The following KCNH8 variants were observed in gnomAD, a reference collection of about 807,000 sequenced individuals.
KCNH8 encodes the protein voltage-gated delayed rectifier potassium channel KCNH8.
Under a neutral mutation model 103.6 loss-of-function variants are expected in KCNH8, and 70 were observed. That is an observed-to-expected ratio of 0.68 (90% CI 0.56 to 0.82). The LOEUF is 0.82. Ranked by LOEUF, KCNH8 falls within the 40% of genes least tolerant of loss-of-function variation. The pLI is 0.00. For missense variants in KCNH8, 1,217 were observed against 1,329.9 expected (o/e 0.92, Z 1.32); for synonymous variants, 498 against 489.4 (o/e 1.02, Z -0.23).
chr3:19,160,101 A>C (rs556907514), intron 1 of KCNH8, among the ~76,000 whole-genome samples: 1 of 152,160 alleles, frequency 6.6e-6, no homozygotes, highest in South Asian at 2.1e-4. Flanking sequence ...TACATTTGTC[A>C]TGGGTGCCCA....
chr3:19,471,975 A>G (rs771093024), intron 11 of KCNH8, among the ~76,000 whole-genome samples: 15 of 152,216 alleles, frequency 9.9e-5, no homozygotes, highest in Non-Finnish European at 1.8e-4. Context: ...CTTTTGACTT[A>G]TGCACTTTTT....
At chr3:19,471,138 T>C (rs1012145283) in intron 11 of KCNH8, among the ~76,000 whole-genome samples, 2 of 152,220 alleles carry the variant, frequency 1.3e-5, no homozygotes, top group African/African-American at 4.8e-5. Context: ...CCACCTGCCA[T>C]ACCATGAACA....
At chr3:19,325,838 A>T (rs1018648401) in intron 3 of KCNH8, among the ~76,000 whole-genome samples, 4 of 152,226 alleles carry the variant, frequency 2.6e-5, no homozygotes, top group African/African-American at 9.6e-5. Context: ...TACTGAGTAC[A>T]TACCCAAAGA....
At chr3:19,173,353 C>T (rs954569844) in intron 1 of KCNH8, among the ~76,000 whole-genome samples, 3 of 151,786 alleles carry the variant, frequency 2.0e-5, no homozygotes, top group Non-Finnish European at 2.9e-5. Context: ...TGGACAGTGC[C>T]CGGATTTTTC....
intron 11 of KCNH8, among the ~76,000 whole-genome samples, chr3:19,480,523 A>T (rs571297300): frequency 6.6e-6 from 1 of 152,336 alleles, no homozygotes; most frequent in South Asian, 2.1e-4. Context: ...GAATTTAAGA[A>T]TTTAAGGCAA....
chr3:19,480,070 A>T (rs2068057031), intron 11 of KCNH8, among the ~76,000 whole-genome samples: 1 of 152,192 alleles, frequency 6.6e-6, no homozygotes, highest in African/African-American at 2.4e-5. Flanking sequence ...TATTGAGAGG[A>T]CATTCTCAGA....
chr3:19,157,237 C>T (rs1278326039), intron 1 of KCNH8, among the ~76,000 whole-genome samples: 1 of 152,020 alleles, frequency 6.6e-6, no homozygotes, highest in East Asian at 1.9e-4. Flanking sequence ...CTGGCTATTC[C>T]TTCAATGGAG....
At chr3:19,406,393 A>C (rs1470123685) in intron 7 of KCNH8, among the ~76,000 whole-genome samples, 1 of 152,120 alleles carries the variant, frequency 6.6e-6, no homozygotes, top group Non-Finnish European at 1.5e-5. Context: ...ACTTTTCAGA[A>C]ATGTAGTAGT....
intron 1 of KCNH8, among the ~76,000 whole-genome samples, chr3:19,194,422 G>A: frequency 6.6e-6 from 1 of 151,758 alleles, no homozygotes; most frequent in East Asian, 1.9e-4. Flanking sequence ...TTTTTAATGA[G>A]TGACAGGCTT....
chr3:19,473,973 A>C (rs1008396060), intron 11 of KCNH8, among the ~76,000 whole-genome samples: 1 of 152,184 alleles, frequency 6.6e-6, no homozygotes, highest in Non-Finnish European at 1.5e-5. Flanking sequence ...GATTTTAAGA[A>C]TAATCCTGAA....
intron 5 of KCNH8, among the ~76,000 whole-genome samples, chr3:19,372,418 G>C (rs995029356): frequency 2.0e-5 from 3 of 150,478 alleles, no homozygotes; most frequent in African/African-American, 4.9e-5. Flanking sequence ...CTGTTTGTCT[G>C]TTGTTGGTGT....
At chr3:19,466,593 A>G (rs1052161135) in intron 11 of KCNH8, among the ~76,000 whole-genome samples, 22 of 151,624 alleles carry the variant, frequency 1.5e-4, no homozygotes, top group African/African-American at 4.8e-4. Flanking sequence ...CTTCACCAAC[A>G]AAGAGATTAT....
chr3:19,153,004 T>C (rs1473716361), intron 1 of KCNH8, among the ~76,000 whole-genome samples: 1 of 150,632 alleles, frequency 6.6e-6, no homozygotes, highest in African/African-American at 2.5e-5. Flanking sequence ...ACAGAGGAAA[T>C]TCTCAGTGGT....
intron 2 of KCNH8, among the ~76,000 whole-genome samples, chr3:19,278,324 A>G (rs1190007578): frequency 1.3e-5 from 2 of 151,986 alleles, no homozygotes; most frequent in Admixed American, 1.3e-4. Flanking sequence ...AAAGAAAAGC[A>G]TAAATATACC....
intron 1 of KCNH8, among the ~76,000 whole-genome samples, chr3:19,240,424 C>A (rs2064123510): frequency 6.6e-6 from 1 of 151,844 alleles, no homozygotes; most frequent in South Asian, 2.1e-4. Flanking sequence ...AGGAGCCTGA[C>A]CAACATGGAG....
intron 15 of KCNH8, among the ~76,000 whole-genome samples, chr3:19,521,581 G>T (rs773883900): frequency 5.9e-5 from 9 of 151,854 alleles, no homozygotes; most frequent in Non-Finnish European, 1.3e-4. Context: ...AAGTGAGAGA[G>T]GATCAATGTT....
At chr3:19,396,778 G>A (rs534321528) in intron 7 of KCNH8, among the ~76,000 whole-genome samples, 2 of 151,924 alleles carry the variant, frequency 1.3e-5, no homozygotes, top group African/African-American at 4.8e-5. Context: ...TTGTCTTGAA[G>A]GCTTCCTCAT....
intron 5 of KCNH8, among the ~76,000 whole-genome samples, chr3:19,375,175 C>T (rs981656097): frequency 6.6e-6 from 1 of 152,044 alleles, no homozygotes; most frequent in African/African-American, 2.4e-5. Flanking sequence ...TGGGGAAGTT[C>T]TCCTGGATAA....
intron 11 of KCNH8, among the ~76,000 whole-genome samples, chr3:19,482,364 GA>G (rs2068105738): frequency 6.6e-6 from 1 of 152,196 alleles, no homozygotes; most frequent in Non-Finnish European, 1.5e-5. Flanking sequence ...AAGACAATAT[GA>G]GGGGTGGTCT....
Sources: gnomAD v4.1 joint callset for allele counts (sites outside exome capture counted in the v4.1 genomes callset) on GRCh38, gnomAD v4.1.1 for gene constraint, MANE v1.5 for transcripts, NCBI Gene and HGNC (gene_info 2026-07-23, HGNC 2026-07-21) for gene names.